The following SPRY3 variants were observed in gnomAD, a reference collection of about 807,000 sequenced individuals.
SPRY3 encodes the protein sprouty RTK signaling antagonist 3, also known as protein sprouty homolog 3.
SPRY3 carries 15 observed loss-of-function variants against 20.2 expected under a neutral mutation model. The observed-to-expected ratio is 0.74, with a 90% confidence interval of 0.50 to 1.14. The LOEUF is 1.14. Among genes scored for constraint, SPRY3 ranks in the 50% most tolerant of loss-of-function variants. SPRY3 has a pLI of 0.00. For missense variants in SPRY3, 364 were observed against 363.9 expected, an observed-to-expected ratio of 1.00 and a Z score of 0.00; for synonymous variants, 143 against 136.5, an observed-to-expected ratio of 1.05 and a Z score of -0.33.
At chrX:155,616,706 G>A (rs1557348932) in intron 1 of SPRY3, among the ~76,000 whole-genome samples, 3 of 110,833 alleles carry the variant, frequency 2.7e-5, no homozygotes, top group Non-Finnish European at 3.8e-5. Flanking sequence ...TTTGAGACTG[G>A]TGGCCACCTA....
chrX:155,690,731 C>T (rs773963222), intron 2 of SPRY3, among the ~76,000 whole-genome samples: 1 of 86,732 alleles, frequency 1.2e-5, no homozygotes, highest in South Asian at 4.8e-4. Flanking sequence ...TAGACTCCCA[C>T]ACAATAATAG....
intron 2 of SPRY3, among the ~76,000 whole-genome samples, chrX:155,678,234 C>A (rs1451076007): frequency 9.0e-6 from 1 of 111,436 alleles, no homozygotes; most frequent in Non-Finnish European, 1.9e-5. Context: ...AATAGAAATT[C>A]TTCTCTCCTT....
intron 2 of SPRY3, among the ~76,000 whole-genome samples, chrX:155,731,173 A>G (rs1038930119): frequency 1.4e-4 from 21 of 152,274 alleles, no homozygotes; most frequent in South Asian, 1.0e-3. Context: ...TAAAATTTAT[A>G]TGGAACCACA....
At chrX:155,643,374 T>C (rs2067948130) in intron 1 of SPRY3, among the ~76,000 whole-genome samples, 2 of 111,672 alleles carry the variant, frequency 1.8e-5, no homozygotes, top group Non-Finnish European at 3.8e-5. Flanking sequence ...GCGTGTTTCT[T>C]GTAGGCAGCA....
At chrX:155,713,016 C>T (rs191568484) in intron 2 of SPRY3, among the ~76,000 whole-genome samples, 1 of 151,940 alleles carries the variant, frequency 6.6e-6, no homozygotes, top group African/African-American at 2.4e-5. Flanking sequence ...TTTGTTGTTT[C>T]CCTTTATGTC....
At chrX:155,754,363 A>G (rs1451379640) in intron 2 of SPRY3, among the ~76,000 whole-genome samples, 1 of 151,882 alleles carries the variant, frequency 6.6e-6, no homozygotes, top group African/African-American at 2.4e-5. Context: ...TTCTCCATTA[A>G]ATTGTGCTGA....
At chrX:155,725,232 T>G (rs1240062755) in intron 2 of SPRY3, among the ~76,000 whole-genome samples, 1 of 152,220 alleles carries the variant, frequency 6.6e-6, no homozygotes, top group African/African-American at 2.4e-5. Context: ...AGTATTTTAT[T>G]GAGGATTTTT....
intron 2 of SPRY3, among the ~76,000 whole-genome samples, chrX:155,659,367 G>A (rs1207043126): frequency 2.7e-5 from 3 of 109,875 alleles, no homozygotes; most frequent in African/African-American, 1.0e-4. Context: ...GGATGGTCTC[G>A]ATCTCATGAC....
intron 2 of SPRY3, among the ~76,000 whole-genome samples, chrX:155,709,265 GTACTAATT>G (rs1167800463): frequency 2.0e-5 from 3 of 151,704 alleles, no homozygotes; most frequent in Non-Finnish European, 4.4e-5. Context: ...CATAGTTGTT[GTACTAATT>G]TACATTCCCG....
chrX:155,756,789 C>G (rs1194186751), intron 2 of SPRY3, among the ~76,000 whole-genome samples: 3 of 152,006 alleles, frequency 2.0e-5, no homozygotes, highest in African/African-American at 7.2e-5. Context: ...CATTTAGATA[C>G]ATACACACAC....
chrX:155,725,391 T>C (rs905553312), intron 2 of SPRY3, among the ~76,000 whole-genome samples: 2 of 152,204 alleles, frequency 1.3e-5, no homozygotes, highest in African/African-American at 4.8e-5. Context: ...TCAGAAGGAA[T>C]GGTACCAGCT....
chrX:155,647,107 C>T (rs1313247958), intron 1 of SPRY3, among the ~76,000 whole-genome samples: 1 of 110,846 alleles, frequency 9.0e-6, no homozygotes, highest in Non-Finnish European at 1.9e-5. Context: ...TCCAATGTTT[C>T]CCTTTTGATT....
At chrX:155,625,313 TTC>T (rs1170258715) in intron 1 of SPRY3, among the ~76,000 whole-genome samples, 1 of 111,514 alleles carries the variant, frequency 9.0e-6, no homozygotes, top group African/African-American at 3.2e-5. Context: ...CAAATTTTGT[TTC>T]ATCTAGATTA....
At chrX:155,775,625 C>A (rs1448253236) in exon 4 of SPRY3, 6 of 167,092 alleles carry the variant, frequency 3.6e-5, no homozygotes, top group Non-Finnish European at 7.3e-5. Flanking sequence ...TCTTATATTT[C>A]CAGGTTTAAC....
intron 2 of SPRY3, among the ~76,000 whole-genome samples, chrX:155,697,113 G>A (rs1464273904): frequency 9.0e-6 from 1 of 111,223 alleles, no homozygotes; most frequent in Non-Finnish European, 1.9e-5. Context: ...ATGCACAGAC[G>A]TCTAGCTAAA....
intron 2 of SPRY3, among the ~76,000 whole-genome samples, chrX:155,747,254 GATAGT>G (rs1446756586): frequency 6.6e-6 from 1 of 151,844 alleles, no homozygotes; most frequent in African/African-American, 2.4e-5. Context: ...GAGAACCAAT[GATAGT>G]TTGTAAATCA....
At chrX:155,666,704 T>A (rs1375509167) in intron 2 of SPRY3, among the ~76,000 whole-genome samples, 1 of 111,327 alleles carries the variant, frequency 9.0e-6, no homozygotes, top group African/African-American at 3.3e-5. Context: ...ATGAGCTTAT[T>A]TTGGATTTAT....
intron 2 of SPRY3, among the ~76,000 whole-genome samples, chrX:155,693,570 A>G (rs1474542695): frequency 8.9e-6 from 1 of 111,825 alleles, no homozygotes; most frequent in African/African-American, 3.2e-5. Flanking sequence ...TTGCTAAAGC[A>G]TAGGTGTTAA....
chrX:155,688,692 TG>T (rs769654578), intron 2 of SPRY3, among the ~76,000 whole-genome samples: 41 of 110,011 alleles, frequency 3.7e-4, no homozygotes, highest in African/African-American at 1.1e-3. Context: ...TTTTTTAAAT[TG>T]TTTTTTTTTT....
Sources: gnomAD v4.1 joint callset for allele counts (sites outside exome capture counted in the v4.1 genomes callset) on GRCh38, gnomAD v4.1.1 for gene constraint, MANE v1.5 for transcripts, NCBI Gene and HGNC (gene_info 2026-07-23, HGNC 2026-07-21) for gene names.